The following CADPS variants were observed in gnomAD, a reference collection of about 807,000 sequenced individuals.
CADPS encodes the protein calcium dependent secretion activator.
In CADPS, 57 loss-of-function variants were observed where a neutral mutation model predicts 167.3. The observed-to-expected ratio is 0.34, with a 90% CI of 0.28 to 0.42. CADPS has a LOEUF of 0.42. Ranked by LOEUF, CADPS falls within the 20% of genes least tolerant of loss-of-function variation. The pLI is 1.00. For missense variants in CADPS, 1,414 were observed against 1,738.1 expected, an observed-to-expected ratio of 0.81 and a Z score of 3.32; for synonymous variants, 676 against 635.3, an observed-to-expected ratio of 1.06 and a Z score of -0.96.
intron 6 of CADPS, among the ~76,000 whole-genome samples, chr3:62,627,988 T>C (rs2064440847): frequency 6.6e-6 from 1 of 152,200 alleles, no homozygotes; most frequent in Non-Finnish European, 1.5e-5. Context: ...AAGGAAATTT[T>C]AGCAGGTGAA....
intron 13 of CADPS, among the ~76,000 whole-genome samples, chr3:62,522,151 A>ATCTG (rs61393495): frequency 1.3e-5 from 2 of 150,786 alleles, no homozygotes; most frequent in African/African-American, 4.9e-5. Flanking sequence ...CTATCTATCT[A>ATCTG]ACTATTGAGA....
intron 13 of CADPS, among the ~76,000 whole-genome samples, chr3:62,521,689 GT>G (rs1487377870): frequency 6.6e-6 from 1 of 152,148 alleles, no homozygotes; most frequent in African/African-American, 2.4e-5. Flanking sequence ...TCACGCTCTC[GT>G]GTCCTGACTG....
intron 27 of CADPS, among the ~76,000 whole-genome samples, chr3:62,443,709 A>G (rs937059770): frequency 2.6e-5 from 4 of 152,050 alleles, no homozygotes; most frequent in Non-Finnish European, 4.4e-5. Flanking sequence ...CCCTTCCGCC[A>G]TGATTGTAAG....
chr3:62,688,993 G>A (rs771203276), intron 3 of CADPS, among the ~76,000 whole-genome samples: 5 of 152,010 alleles, frequency 3.3e-5, no homozygotes, highest in Admixed American at 6.6e-5. Context: ...TCTTTCCAGC[G>A]TGTGAATAGG....
intron 8 of CADPS, among the ~76,000 whole-genome samples, chr3:62,576,230 C>T (rs887795765): frequency 1.8e-4 from 27 of 152,118 alleles, no homozygotes; most frequent in African/African-American, 6.5e-4. Flanking sequence ...TAGTCAGTGG[C>T]AGTTTAGACG....
rs751165891 is a variant in CADPS, at chr3:62,753,597, G to A, written c.732C>T (p.Ile244=). Residue 244 remains isoleucine (I), a synonymous_variant, in exon 3 of 30, where the codon ATC becomes ATT. Transcript: ENST00000383710. This position sits in a 1 kb window ranked among gnomAD's most constrained non-coding sequence, Gnocchi z 4.6. ...TCCGCGGGTCCTCTTCTCCACGGTA[G>A]ATGGCATCAAATTTGGCCATCCAGG... ...LSSWMAKFDA[I]YRGEEDPRKQ... 1 of 1,614,070 alleles carries A rather than the reference G, an allele frequency of 6.2e-7. No homozygotes were observed. The highest frequency in any genetic ancestry group is 1.3e-5 in the African/African-American group (1 of 74,932).
At chr3:62,759,006 C>T (rs75338987) in intron 2 of CADPS, among the ~76,000 whole-genome samples, 4,033 of 152,240 alleles carry the variant, frequency 0.026, 63 homozygotes, top group South Asian at 0.061. Context: ...ATAAGAAAAA[C>T]ATCTAGATGT....
At chr3:62,610,043 TGA>T (rs2061282505) in intron 6 of CADPS, among the ~76,000 whole-genome samples, 1 of 151,924 alleles carries the variant, frequency 6.6e-6, no homozygotes, top group African/African-American at 2.4e-5. Context: ...GAGTCAAGAC[TGA>T]GCCACTGCAT....
At chr3:62,854,837 A>G (rs1198216147) in intron 1 of CADPS, among the ~76,000 whole-genome samples, 1 of 152,214 alleles carries the variant, frequency 6.6e-6, no homozygotes, top group Non-Finnish European at 1.5e-5. Context: ...ACTTTTTTAA[A>G]AAGTTGACTG....
intron 1 of CADPS, among the ~76,000 whole-genome samples, chr3:62,805,041 C>A (rs913028334): frequency 6.6e-6 from 1 of 152,098 alleles, no homozygotes; most frequent in African/African-American, 2.4e-5. Flanking sequence ...ACATTTAGGA[C>A]CAGATAATTC....
At chr3:62,608,379 C>T (rs2060997162) in intron 6 of CADPS, among the ~76,000 whole-genome samples, 1 of 151,812 alleles carries the variant, frequency 6.6e-6, no homozygotes, top group South Asian at 2.1e-4. Flanking sequence ...ACCTCCCGGG[C>T]TCACGTGATC....
chr3:62,760,620 C>T (rs2085164605), intron 2 of CADPS, among the ~76,000 whole-genome samples: 1 of 152,056 alleles, frequency 6.6e-6, no homozygotes, highest in Non-Finnish European at 1.5e-5. Flanking sequence ...CTGGGCTTTC[C>T]CTGCAAGAAT....
intron 24 of CADPS, chr3:62,467,294 T>C (rs1268248755): frequency 8.0e-7 from 1 of 1,257,162 alleles, no homozygotes; most frequent in Non-Finnish European, 1.0e-6. Context: ...GAAAATGCAC[T>C]TACCCACATT....
At chr3:62,809,345 C>T (rs1032532829) in intron 1 of CADPS, among the ~76,000 whole-genome samples, 2 of 152,178 alleles carry the variant, frequency 1.3e-5, no homozygotes, top group Non-Finnish European at 2.9e-5. Context: ...CCCCTGGGCA[C>T]CTCTGTGATG....
intron 3 of CADPS, among the ~76,000 whole-genome samples, chr3:62,741,874 CCA>C (rs1178372931): frequency 6.6e-6 from 1 of 152,112 alleles, no homozygotes; most frequent in Non-Finnish European, 1.5e-5. Context: ...TCTATAAATC[CCA>C]CACAGTCTCA....
At chr3:62,758,871 C>A (rs1316543637) in intron 2 of CADPS, among the ~76,000 whole-genome samples, 1 of 152,226 alleles carries the variant, frequency 6.6e-6, no homozygotes, top group Non-Finnish European at 1.5e-5. Context: ...CATACAAACA[C>A]ATCAGTACTT....
chr3:62,402,882 C>G (rs547141735), intron 29 of CADPS, among the ~76,000 whole-genome samples, 199 bp downstream of exon 29: 255 of 152,288 alleles, frequency 1.7e-3, no homozygotes, highest in African/African-American at 5.9e-3. Context: ...ATATCAAATT[C>G]ATTTGTATTA....
intron 10 of CADPS, among the ~76,000 whole-genome samples, chr3:62,556,768 A>G (rs1019579406): frequency 3.3e-5 from 5 of 151,876 alleles, no homozygotes; most frequent in African/African-American, 1.2e-4. Context: ...ACTTTTAAGA[A>G]ATACTACCGC....
rs2051119810 is a variant in CADPS at position 62,420,713 on chromosome 3, A to G, written c.3777+17391T>C. ...AAAGTGCTGCTTTTTAAAAGTTAAC[A>G]TGTGTTTTCACCATGTACAGCTGGG... is the stretch of plus-strand genomic sequence containing the variant. On this transcript the variant is annotated intron_variant, in intron 28 of 29. Transcript: ENST00000383710. The surrounding 1 kb of genome is among the most constrained non-coding windows in gnomAD (Gnocchi z 4.1). Among the ~76,000 whole-genome samples the G allele has an allele frequency of 6.6e-6, 1 of 152,160 alleles. No individual in the cohort carries two copies. Among genetic ancestry groups the G allele is most frequent in the Non-Finnish European group, 1.5e-5 (1 of 68,026 alleles).
Sources: allele counts gnomAD v4.1 joint callset (sites outside exome capture counted in the v4.1 genomes callset), GRCh38; gene constraint gnomAD v4.1.1; non-coding constraint Gnocchi (gnomAD v3.1); transcripts MANE v1.5; gene names NCBI Gene and HGNC (gene_info 2026-07-23, HGNC 2026-07-21).